The following ARV1 variants were observed in gnomAD, a reference collection of about 807,000 sequenced individuals.
ARV1 encodes the protein protein ARV1.
Under a neutral mutation model 31.1 loss-of-function variants are expected in ARV1, and 26 were observed. The observed-to-expected ratio is 0.84, with a 90% confidence interval of 0.61 to 1.16. The LOEUF is 1.16. ARV1 is among the 50% of genes most tolerant of loss of function. The pLI is 0.00. For synonymous variants in ARV1, 117 were observed against 123.2 expected (o/e 0.95, Z 0.34); for missense variants, 281 against 324.9 (o/e 0.86, Z 1.04).
chr1:230,996,010 T>C (rs1169722625), intron 4 of ARV1, 26 bp downstream of exon 4: 2 of 1,581,956 alleles, frequency 1.3e-6, no homozygotes, highest in Non-Finnish European at 8.6e-7. Context: ...TATTCTGCCT[T>C]CTCAGTTTTC....
chr1:230,979,167 C>T lies in ARV1; in HGVS notation c.62C>T (p.Ala21Val), dbSNP rs150565075. The change falls in exon 1 of 6, where the codon GCG becomes GTG. Residue 21 changes from alanine (A) to valine (V), a missense_variant. By Grantham distance (64) the Ala-to-Val change is moderately conservative. Transcript: ENST00000310256. ...AAGGGGAACGTGGATGGGGTGGCAG[C>T]GACTCCTACTGCTGCCTCGGCCTCC... ...QGKGNVDGVA[A>V]TPTAASASCQ... is the part of the protein sequence containing the mutation. 377 of 1,612,478 alleles carry T rather than the reference C, an allele frequency of 2.3e-4. 1 individual carries two copies. Among genetic ancestry groups the T allele is most frequent in the Non-Finnish European group, 3.1e-4 (361 of 1,179,504 alleles).
In ARV1 at chr1:230,995,854, A is replaced by C. The variant is rs745331634; in HGVS notation, c.543A>C (p.Lys181Asn). The change falls in exon 4 of 6, where the codon AAA (lysine) becomes AAC (asparagine). Residue 181 changes from lysine to asparagine, a missense_variant. By Grantham distance (94) the Lys-to-Asn change is moderately conservative (BLOSUM62 0). Transcript: ENST00000310256. ...AGCCCAACTTCATTTTGCTGCTGAA[A>C]GCATTATTATTATCTAGCTACGGAA... ...KKKPNFILLLKALLLSSYGKL... is the reference protein window; with the variant it reads ...KKKPNFILLLNALLLSSYGKL... 1.9e-6 allele frequency: 3 copies of C among 1,614,166 alleles called. No individual in the cohort carries two copies. The highest frequency in any genetic ancestry group is 1.1e-5 in the South Asian group (1 of 91,084).
intron 1 of ARV1, chr1:230,979,603 C>G: frequency 3.1e-6 from 1 of 323,750 alleles, no homozygotes; most frequent in Non-Finnish European, 5.7e-6. Flanking sequence ...CCTTCTAGCT[C>G]TTCTCCCTTT....
intron 1 of ARV1, among the ~76,000 whole-genome samples, chr1:230,981,323 G>A (rs1678905050): frequency 6.6e-6 from 1 of 152,110 alleles, no homozygotes; most frequent in African/African-American, 2.4e-5. Context: ...AGACTTAAAT[G>A]TCCAACTACC....
chr1:230,996,696 A>G (rs567399113), intron 4 of ARV1, among the ~76,000 whole-genome samples: 1 of 152,206 alleles, frequency 6.6e-6, no homozygotes, highest in East Asian at 1.9e-4. Flanking sequence ...TTGGCATCCC[A>G]AAGTGCTGGG....
At chr1:230,981,913 G>C (rs115842421) in intron 1 of ARV1, among the ~76,000 whole-genome samples, 13 of 152,162 alleles carry the variant, frequency 8.5e-5, no homozygotes, top group Non-Finnish European at 4.4e-5. Context: ...AGGTATCTGC[G>C]TGACTAATTC....
intron 1 of ARV1, among the ~76,000 whole-genome samples, chr1:230,980,328 T>A (rs1678834357): frequency 1.5e-5 from 1 of 68,778 alleles, no homozygotes; most frequent in South Asian, 8.2e-4. Context: ...TTATTTCGGT[T>A]TTTTTTTTCT....
chr1:230,986,093 A>ATT (rs113086083), intron 1 of ARV1, among the ~76,000 whole-genome samples: 36 of 148,012 alleles, frequency 2.4e-4, no homozygotes, highest in South Asian at 1.3e-3. Context: ...ATCTTTTTGT[A>ATT]TTTTTTTTTT....
At chr1:230,987,560 CA>C (rs756137572) in intron 1 of ARV1, among the ~76,000 whole-genome samples, 47 of 152,298 alleles carry the variant, frequency 3.1e-4, no homozygotes, top group Non-Finnish European at 5.9e-4. Context: ...GGTGACCCTT[CA>C]GGGGGGAATA....
intron 3 of ARV1, chr1:230,990,797 C>T (rs866588110): frequency 6.3e-6 from 1 of 158,576 alleles, no homozygotes; most frequent in Non-Finnish European, 1.4e-5. Flanking sequence ...TCTTGAACTC[C>T]TGAACTCAAG....
intron 4 of ARV1, 30 bp from the exon 5 acceptor site, chr1:230,997,091 T>C (rs754320522): frequency 1.1e-4 from 178 of 1,608,138 alleles, no homozygotes; most frequent in Middle Eastern, 3.3e-4. Flanking sequence ...TCATTAATTC[T>C]GAACTTATTG....
intron 3 of ARV1, chr1:230,990,519 C>T (rs990147119): frequency 8.2e-6 from 3 of 366,976 alleles, no homozygotes; most frequent in East Asian, 5.9e-5. Flanking sequence ...TAAAATATTT[C>T]GAAGCACAAT....
chr1:230,988,832 C>T (rs1400210644), intron 2 of ARV1, among the ~76,000 whole-genome samples: 1 of 152,072 alleles, frequency 6.6e-6, no homozygotes, highest in African/African-American at 2.4e-5. Flanking sequence ...TAATTTATTG[C>T]ATTTTATACT....
chr1:230,986,668 A>ATTTTTTTTTTTTTTTT (rs1162209283), intron 1 of ARV1, among the ~76,000 whole-genome samples: 13 of 62,350 alleles, frequency 2.1e-4, no homozygotes, highest in Non-Finnish European at 2.5e-4. Flanking sequence ...TACTTTTCCT[A>ATTTTTTTTTTTTTTTT]TTTTTTTTTT....
intron 3 of ARV1, among the ~76,000 whole-genome samples, chr1:230,993,565 G>T (rs1679286599): frequency 6.6e-6 from 1 of 152,070 alleles, no homozygotes; most frequent in African/African-American, 2.4e-5. Context: ...TTTTTTATGT[G>T]TCTTAGTCTA....
intron 3 of ARV1, 40 bp from the exon 4 acceptor site, chr1:230,995,720 A>T (rs377046647): frequency 1.3e-6 from 2 of 1,488,044 alleles, no homozygotes; most frequent in Non-Finnish European, 1.9e-6. Context: ...TATATTTTGG[A>T]TGGGGACATT....
intron 1 of ARV1, among the ~76,000 whole-genome samples, chr1:230,985,634 G>A (rs1412604529): frequency 6.6e-6 from 1 of 152,188 alleles, no homozygotes; most frequent in Non-Finnish European, 1.5e-5. Flanking sequence ...TTGTGATGCT[G>A]TCCAAAAACG....
chr1:230,986,941 G>A (rs1679098895), intron 1 of ARV1, among the ~76,000 whole-genome samples: 1 of 152,026 alleles, frequency 6.6e-6, no homozygotes, highest in African/African-American at 2.4e-5. Flanking sequence ...CAGTTGCACA[G>A]GTAGAAGATT....
At chr1:230,979,637 A>C in intron 1 of ARV1, 2 of 258,334 alleles carry the variant, frequency 7.7e-6, no homozygotes, top group East Asian at 1.5e-4. Context: ...TACCATCCTT[A>C]CCCTCCACAA....
Sources: allele counts gnomAD v4.1 joint callset (sites outside exome capture counted in the v4.1 genomes callset), GRCh38; gene constraint gnomAD v4.1.1; transcripts MANE v1.5; gene names NCBI Gene and HGNC (gene_info 2026-07-23, HGNC 2026-07-21).